Variants in GGNBP2 observed in about 807,000 individuals in gnomAD.
GGNBP2 encodes gametogenetin-binding protein 2.
GGNBP2 carries 10 observed loss-of-function variants against 85.9 expected under a neutral mutation model. That is an observed-to-expected ratio of 0.12 (90% CI 0.07 to 0.20). The LOEUF (loss-of-function observed/expected upper bound fraction) is 0.20, where lower values mean the gene tolerates loss of function less well. Among genes scored for constraint, GGNBP2 ranks in the 10% least tolerant of loss-of-function variants. The probability of loss-of-function intolerance (pLI) is 1.00; values close to 1 mark genes in which losing one functional copy is unlikely to be tolerated. For synonymous variants in GGNBP2, 287 were observed against 285.7 expected (o/e 1.00, Z -0.05); for missense variants, 595 against 857.8 (o/e 0.69, Z 3.83).
intron 13 of GGNBP2, among the ~76,000 whole-genome samples, chr17:36,587,828 A>G (rs1329601663): frequency 2.0e-5 from 3 of 152,246 alleles, no homozygotes; most frequent in Non-Finnish European, 2.9e-5. Context: ...CGGAGGTTTC[A>G]GTGAGCTGAG....
In GGNBP2 at chr17:36,585,954, A is replaced by T; in HGVS notation, c.1481A>T (p.His494Leu). The T allele has an allele frequency of 6.2e-7, 1 of 1,614,230 alleles. No homozygotes were observed. The highest frequency in any genetic ancestry group is 8.5e-7 in the Non-Finnish European group (1 of 1,180,038). The stretch of plus-strand genomic sequence containing the variant: ...GCCTGCACTGAAGGCATTTGTAATC[A>T]TGATGAACACGGTAGGCTCACATTA... ...DVACTEGICN[H>L]DEHGDDSCVH... Residue 494 changes from histidine (H) to leucine (L), a missense_variant, in exon 11 of 14, where the codon CAT (histidine) becomes CTT (leucine). His to Leu is a moderately conservative substitution (Grantham distance 99). Coordinates refer to ENST00000613102, the MANE Select transcript of GGNBP2 (RefSeq NM_024835.5).
intron 6 of GGNBP2, chr17:36,576,906 C>T (rs371862964): frequency 6.6e-6 from 1 of 152,126 alleles, no homozygotes; most frequent in South Asian, 2.1e-4. Flanking sequence ...CAGCATTACC[C>T]TTGGACAGTG....
intron 9 of GGNBP2, among the ~76,000 whole-genome samples, chr17:36,583,201 G>A (rs1477308852): frequency 6.6e-6 from 1 of 151,030 alleles, no homozygotes; most frequent in Non-Finnish European, 1.5e-5. Context: ...CTACAGGCGT[G>A]TGCCACCATG....
intron 5 of GGNBP2, among the ~76,000 whole-genome samples, chr17:36,564,120 A>T (rs2074446717): frequency 1.3e-5 from 2 of 152,126 alleles, no homozygotes; most frequent in South Asian, 4.1e-4. Flanking sequence ...CAGATTTGTC[A>T]GTAGCTTCAG....
intron 2 of GGNBP2, chr17:36,547,060 A>G (rs1373061518): frequency 2.0e-5 from 3 of 152,336 alleles, no homozygotes; most frequent in Middle Eastern, 6.8e-3. Context: ...TTTTTCATGA[A>G]AAAAGGTAGA....
intron 2 of GGNBP2, chr17:36,546,553 TTGG>T (rs1365448916): frequency 6.6e-6 from 1 of 152,212 alleles, no homozygotes; most frequent in Non-Finnish European, 1.5e-5. Flanking sequence ...TTCTTTAGAT[TTGG>T]TAGTGTAGCA....
At chr17:36,582,842 C>T (rs2074664211) in intron 9 of GGNBP2, among the ~76,000 whole-genome samples, 1 of 152,048 alleles carries the variant, frequency 6.6e-6, no homozygotes, top group Non-Finnish European at 1.5e-5. Flanking sequence ...TTAAGGTACT[C>T]AATGAGCTTT....
chr17:36,568,989 G>A (rs1259825467), intron 6 of GGNBP2, among the ~76,000 whole-genome samples: 1 of 152,068 alleles, frequency 6.6e-6, no homozygotes, highest in Non-Finnish European at 1.5e-5. Context: ...CTCCTGACTT[G>A]TGATCCGCTC....
chr17:36,568,766 T>C (rs2074493410), intron 6 of GGNBP2, among the ~76,000 whole-genome samples: 1 of 152,162 alleles, frequency 6.6e-6, no homozygotes, highest in South Asian at 2.1e-4. Context: ...ATTTTCTTTT[T>C]TTTTTTTTGA....
At chr17:36,579,524 A>G in intron 8 of GGNBP2, 105 bp downstream of exon 8, 1 of 954,730 alleles carries the variant, frequency 1.0e-6, no homozygotes, top group Non-Finnish European at 1.6e-6. Flanking sequence ...CATCACTGAT[A>G]GAGCTTCATG....
At chr17:36,572,699 ACCGTG>A (rs2074538354) in intron 6 of GGNBP2, among the ~76,000 whole-genome samples, 1 of 152,156 alleles carries the variant, frequency 6.6e-6, no homozygotes. Flanking sequence ...GTCTCAAAAA[ACCGTG>A]AAACATAAAT....
intron 2 of GGNBP2, 112 bp from the exon 3 acceptor site, chr17:36,554,708 G>A (rs2074345013): frequency 1.3e-6 from 1 of 753,420 alleles, no homozygotes; most frequent in South Asian, 1.5e-5. Context: ...TTTTTGAGGG[G>A]CTAGGGATGG....
At chr17:36,554,586 C>T (rs974774977) in intron 2 of GGNBP2, among the ~76,000 whole-genome samples, 7 of 151,734 alleles carry the variant, frequency 4.6e-5, no homozygotes, top group Admixed American at 2.6e-4. Context: ...AGGCTGGTCT[C>T]GAACTCCCAA....
intron 6 of GGNBP2, among the ~76,000 whole-genome samples, chr17:36,573,316 T>TTGGTCAGG (rs1446438215): frequency 6.6e-6 from 1 of 152,170 alleles, no homozygotes; most frequent in Non-Finnish European, 1.5e-5. Flanking sequence ...TTTCACCTTG[T>TTGGTCAGG]TGGTCAGGCT....
intron 12 of GGNBP2, 146 bp from the exon 13 acceptor site, chr17:36,586,851 T>C (rs2074706494): frequency 2.7e-6 from 2 of 735,278 alleles, no homozygotes; most frequent in African/African-American, 1.8e-5. Flanking sequence ...ACACTTGACC[T>C]CAGGTGATCC....
intron 7 of GGNBP2, chr17:36,578,449 G>T: frequency 2.6e-6 from 1 of 391,762 alleles, no homozygotes. Context: ...CATTGTTACA[G>T]ACTATCATTT....
At chr17:36,563,366 CA>C (rs2074438366) in intron 5 of GGNBP2, among the ~76,000 whole-genome samples, 1 of 151,862 alleles carries the variant, frequency 6.6e-6, no homozygotes, top group African/African-American at 2.4e-5. Context: ...GCACTTTTAC[CA>C]AGATTTAGTA....
intron 12 of GGNBP2, chr17:36,586,641 T>TGAA (rs10637268): frequency 0.056 from 14,195 of 251,362 alleles, 786 homozygotes; most frequent in African/African-American, 0.16. Flanking sequence ...TTTTTTGAGA[T>TGAA]GGAGTCTCAC....
At chr17:36,549,273 G>C (rs1346763965) in intron 2 of GGNBP2, among the ~76,000 whole-genome samples, 1 of 152,094 alleles carries the variant, frequency 6.6e-6, no homozygotes, top group Non-Finnish European at 1.5e-5. Flanking sequence ...CCTGATCTTG[G>C]CTCACTGCAA....
Sources: gnomAD v4.1 joint callset for allele counts (sites outside exome capture counted in the v4.1 genomes callset) on GRCh38, gnomAD v4.1.1 for gene constraint, MANE v1.5 for transcripts, NCBI Gene and HGNC (gene_info 2026-07-23, HGNC 2026-07-21) for gene names.